The following LPP variants were observed in gnomAD, a reference collection of about 807,000 sequenced individuals.
The protein encoded by LPP is lipoma-preferred partner.
Under a neutral mutation model 60.4 loss-of-function variants are expected in LPP, and 38 were observed. The observed-to-expected ratio is 0.63, with a 90% CI of 0.49 to 0.83. The LOEUF (loss-of-function observed/expected upper bound fraction) is 0.83. Ranked by LOEUF, LPP falls within the 40% of genes least tolerant of loss-of-function variation. The pLI is 0.00. For missense variants in LPP, 902 were observed against 783.6 expected, an observed-to-expected ratio of 1.15 and a Z score of -1.80; for synonymous variants, 328 against 290.8, an observed-to-expected ratio of 1.13 and a Z score of -1.30.
At chr3:188,347,308 T>C (rs1315867697) in intron 3 of LPP, among the ~76,000 whole-genome samples, 1 of 152,224 alleles carries the variant, frequency 6.6e-6, no homozygotes, top group Non-Finnish European at 1.5e-5. Flanking sequence ...GACAAGATCA[T>C]ACATTATGAA....
At chr3:188,753,945 G>A (rs1553830365) in intron 8 of LPP, among the ~76,000 whole-genome samples, 2 of 152,208 alleles carry the variant, frequency 1.3e-5, no homozygotes, top group East Asian at 1.9e-4. Flanking sequence ...CTACAGTCCA[G>A]CTTTTAAGAT....
In LPP at chr3:188,300,691, T is replaced by TCA. The variant is rs1223865914; in HGVS notation, c.-66-40972_-66-40971insCA. Among the ~76,000 whole-genome samples, 10 of 152,164 alleles carry TCA rather than the reference T, an allele frequency of 6.6e-5. No individual in the cohort carries two copies. In the East Asian group the frequency reaches 1.9e-3, roughly 29 times the overall value. Reference sequence around the variant, plus strand: ...GTTACAGAAATACTAAAAAATAGATTGGTTGGTCTCCTGAATGTCCTGCGT... The same window carrying TCA: ...GTTACAGAAATACTAAAAAATAGATTCAGGTTGGTCTCCTGAATGTCCTGCGT... On this transcript the variant is annotated intron_variant, in intron 2 of 11. Transcript: ENST00000617246.
chr3:188,373,656 T>A (rs1040051821), intron 3 of LPP, among the ~76,000 whole-genome samples: 9 of 152,118 alleles, frequency 5.9e-5, no homozygotes, highest in African/African-American at 2.2e-4. Flanking sequence ...ATTCTGTAGG[T>A]TGCCTGTTCA....
At chr3:188,725,890 G>A (rs1373722578) in intron 8 of LPP, among the ~76,000 whole-genome samples, 2 of 152,162 alleles carry the variant, frequency 1.3e-5, no homozygotes, top group East Asian at 3.9e-4. Context: ...GGTAAGCCAT[G>A]AATTCAAGGG....
At chr3:188,278,569 C>T (rs748972649) in intron 2 of LPP, among the ~76,000 whole-genome samples, 4 of 152,012 alleles carry the variant, frequency 2.6e-5, no homozygotes, top group African/African-American at 4.8e-5. Context: ...TGGTTTATGA[C>T]AAGCTAGGGA....
At chr3:188,222,419 C>T (rs554810727) in intron 1 of LPP, among the ~76,000 whole-genome samples, 48 of 152,178 alleles carry the variant, frequency 3.2e-4, no homozygotes, top group African/African-American at 1.1e-3. Flanking sequence ...TTGTGCCATA[C>T]GTGCTAGATA....
chr3:188,235,065 G>A (rs577943776), intron 2 of LPP, among the ~76,000 whole-genome samples: 22 of 152,162 alleles, frequency 1.4e-4, no homozygotes, highest in Non-Finnish European at 2.9e-4. Context: ...GGGCATTTTA[G>A]GATGGCTGAA....
rs536341828 is a variant in LPP, at chr3:188,760,992, C to T, written c.1410+710C>T. Among the ~76,000 whole-genome samples, 86 of 151,722 alleles carry T rather than the reference C, an allele frequency of 5.7e-4. 1 individual carries two copies. In the Middle Eastern group the frequency reaches 0.014, roughly 24 times the overall value. On this transcript the variant is annotated intron_variant, in intron 9 of 11. Transcript: ENST00000617246. ...TTTACAATGCTACTTACTTAATCTA[C>T]CTGTTAAACTATTCTCTGGTAGAGT...
At chr3:188,502,012 G>A (rs2378417) in intron 5 of LPP, among the ~76,000 whole-genome samples, 112,527 of 151,876 alleles carry the variant, frequency 0.74, 42,480 homozygotes, top group South Asian at 0.82. Context: ...ATCCCATTGT[G>A]CTCAGAGAAG....
intron 6 of LPP, among the ~76,000 whole-genome samples, chr3:188,574,923 T>C (rs1182979356): frequency 3.3e-5 from 5 of 152,168 alleles, no homozygotes; most frequent in South Asian, 2.1e-4. Flanking sequence ...AATTTCCCCC[T>C]TTTTTTCATC....
intron 4 of LPP, among the ~76,000 whole-genome samples, chr3:188,420,420 T>C (rs576051646): frequency 5.3e-5 from 8 of 152,294 alleles, no homozygotes; most frequent in East Asian, 1.9e-4. Context: ...AAACTATTGA[T>C]TTTTATTAAT....
intron 7 of LPP, among the ~76,000 whole-genome samples, chr3:188,680,769 C>T (rs537283232): frequency 6.6e-6 from 1 of 152,214 alleles, no homozygotes; most frequent in African/African-American, 2.4e-5. Flanking sequence ...GATCATTGTG[C>T]TGTTGTTAGC....
At chr3:188,336,590 C>T (rs745721987) in intron 2 of LPP, among the ~76,000 whole-genome samples, 32 of 152,254 alleles carry the variant, frequency 2.1e-4, no homozygotes, top group South Asian at 8.3e-4. Flanking sequence ...AGACCACATG[C>T]GGTAGCAGTA....
intron 8 of LPP, among the ~76,000 whole-genome samples, chr3:188,720,286 G>A (rs1715797112): frequency 6.6e-6 from 1 of 152,176 alleles, no homozygotes; most frequent in African/African-American, 2.4e-5. Context: ...AATTATTGTA[G>A]TGTATACTAT....
intron 6 of LPP, among the ~76,000 whole-genome samples, chr3:188,598,437 A>G (rs1840406327): frequency 6.6e-6 from 1 of 152,154 alleles, no homozygotes; most frequent in African/African-American, 2.4e-5. Flanking sequence ...TAGGGCACCA[A>G]TAAGTTAATA....
intron 6 of LPP, among the ~76,000 whole-genome samples, chr3:188,582,774 A>G (rs1455713762): frequency 6.6e-6 from 1 of 152,204 alleles, no homozygotes; most frequent in Non-Finnish European, 1.5e-5. Context: ...GTTGTTCGGT[A>G]TGTGGCATCA....
At chr3:188,346,804 T>C (rs1764522893) in intron 3 of LPP, among the ~76,000 whole-genome samples, 1 of 152,206 alleles carries the variant, frequency 6.6e-6, no homozygotes, top group Non-Finnish European at 1.5e-5. Flanking sequence ...AAGTATGAGA[T>C]GACATTTGAG....
intron 9 of LPP, among the ~76,000 whole-genome samples, chr3:188,843,037 T>C (rs1335072994): frequency 6.6e-6 from 1 of 152,226 alleles, no homozygotes; most frequent in Non-Finnish European, 1.5e-5. Flanking sequence ...GATTCATCCA[T>C]GTTGTTGTAT....
intron 4 of LPP, among the ~76,000 whole-genome samples, chr3:188,480,856 G>T (rs913037972): frequency 3.9e-5 from 6 of 152,148 alleles, no homozygotes; most frequent in African/African-American, 1.4e-4. Context: ...TCATCCAGGG[G>T]CTTTCCTCCA....
Sources: allele counts gnomAD v4.1 joint callset (sites outside exome capture counted in the v4.1 genomes callset), GRCh38; gene constraint gnomAD v4.1.1; transcripts MANE v1.5; gene names NCBI Gene and HGNC (gene_info 2026-07-23, HGNC 2026-07-21).